ATP8A2: variants seen among roughly 807,000 people sequenced by gnomAD.
ATP8A2 encodes phospholipid-transporting ATPase IB.
In ATP8A2, 100 loss-of-function variants were observed where a neutral mutation model predicts 165.6. The observed-to-expected ratio is 0.60, with a 90% confidence interval of 0.51 to 0.71. The LOEUF (loss-of-function observed/expected upper bound fraction) is 0.71. Among genes scored for constraint, ATP8A2 ranks in the 30% least tolerant of loss-of-function variants. ATP8A2 has a pLI of 0.00. For missense variants in ATP8A2, 1,227 were observed against 1,479.5 expected, an observed-to-expected ratio of 0.83 and a Z score of 2.80; for synonymous variants, 543 against 548.8, an observed-to-expected ratio of 0.99 and a Z score of 0.15.
intron 24 of ATP8A2, among the ~76,000 whole-genome samples, chr13:25,606,385 G>C (rs937393070): frequency 1.3e-5 from 2 of 152,178 alleles, no homozygotes; most frequent in Non-Finnish European, 2.9e-5. Flanking sequence ...ACATGTTGAA[G>C]AAGAATGATT....
At chr13:25,465,713 TTCTTTCTTTCTTTC>T (rs1566153306) in intron 1 of ATP8A2, among the ~76,000 whole-genome samples, 9 of 45,424 alleles carry the variant, frequency 2.0e-4, no homozygotes, top group African/African-American at 8.9e-4. Context: ...CTTTCTTTCT[TTCTTTCTTTCTTTC>T]TTTCTTTCTT....
intron 25 of ATP8A2, among the ~76,000 whole-genome samples, chr13:25,756,992 G>T (rs933961889): frequency 6.6e-6 from 1 of 152,144 alleles, no homozygotes; most frequent in African/African-American, 2.4e-5. Flanking sequence ...CTCGCTCAGC[G>T]CATTCGTTCC....
intron 2 of ATP8A2, among the ~76,000 whole-genome samples, chr13:25,528,857 C>A: frequency 7.0e-6 from 1 of 143,542 alleles, no homozygotes. Flanking sequence ...ACATATGCAA[C>A]ATGTGTATGC....
At chr13:25,671,193 C>T (rs1037068716) in intron 24 of ATP8A2, among the ~76,000 whole-genome samples, 22 of 152,192 alleles carry the variant, frequency 1.4e-4, no homozygotes, top group African/African-American at 4.8e-4. Context: ...TATCACTTCC[C>T]TAGTCAATAC....
At chr13:25,506,512 G>C (rs1405176105) in intron 2 of ATP8A2, among the ~76,000 whole-genome samples, 1 of 152,156 alleles carries the variant, frequency 6.6e-6, no homozygotes, top group Non-Finnish European at 1.5e-5. Flanking sequence ...CACCAGTTTT[G>C]TTCCAGATGT....
At chr13:25,480,493 A>G (rs1394548059) in intron 2 of ATP8A2, among the ~76,000 whole-genome samples, 2 of 149,596 alleles carry the variant, frequency 1.3e-5, no homozygotes, top group East Asian at 4.0e-4. Flanking sequence ...GCGGCCGGGC[A>G]GAGGCGCTCC....
At chr13:25,806,591 A>G (rs182930479) in intron 27 of ATP8A2, among the ~76,000 whole-genome samples, 1 of 152,244 alleles carries the variant, frequency 6.6e-6, no homozygotes, top group East Asian at 1.9e-4. Flanking sequence ...AAGCAAGCAG[A>G]GCAGGCAGTT....
chr13:25,586,459 C>A (rs975248863), intron 23 of ATP8A2, among the ~76,000 whole-genome samples: 1 of 152,170 alleles, frequency 6.6e-6, no homozygotes, highest in Admixed American at 6.5e-5. Flanking sequence ...GGTGCCCAGG[C>A]GTGTGCTCCA....
chr13:25,661,497 T>C (rs1197217428), intron 24 of ATP8A2, among the ~76,000 whole-genome samples: 3 of 152,234 alleles, frequency 2.0e-5, no homozygotes, highest in Non-Finnish European at 4.4e-5. Context: ...AGATTGTTTT[T>C]TTCTTTCTTG....
chr13:25,483,449 G>A (rs2036264357), intron 2 of ATP8A2, among the ~76,000 whole-genome samples: 1 of 152,176 alleles, frequency 6.6e-6, no homozygotes, highest in Admixed American at 6.5e-5. Context: ...TCATGAAGGA[G>A]CTCCTTCCTC....
intron 24 of ATP8A2, among the ~76,000 whole-genome samples, chr13:25,652,242 G>A (rs887164708): frequency 4.6e-5 from 7 of 152,150 alleles, no homozygotes; most frequent in Non-Finnish European, 1.5e-5. Flanking sequence ...GGAAACCACT[G>A]ATTTAAATAT....
intron 1 of ATP8A2, among the ~76,000 whole-genome samples, chr13:25,382,306 T>G (rs1417268533): frequency 6.6e-6 from 1 of 152,240 alleles, no homozygotes; most frequent in East Asian, 1.9e-4. Context: ...CCATTGCCTA[T>G]CTGTACCACA....
At chr13:25,902,570 T>A (rs1261160137) in intron 33 of ATP8A2, among the ~76,000 whole-genome samples, 10 of 143,452 alleles carry the variant, frequency 7.0e-5, no homozygotes, top group East Asian at 2.0e-4. Context: ...AACATCAATT[T>A]AAAAAAAAAA....
intron 1 of ATP8A2, among the ~76,000 whole-genome samples, chr13:25,375,696 C>T (rs1239255798): frequency 6.6e-6 from 1 of 152,048 alleles, no homozygotes; most frequent in Non-Finnish European, 1.5e-5. Context: ...CCTCAGCCTC[C>T]CAAGTAGCTG....
intron 24 of ATP8A2, among the ~76,000 whole-genome samples, chr13:25,608,178 G>C (rs2040567200): frequency 6.6e-6 from 1 of 152,194 alleles, no homozygotes; most frequent in South Asian, 2.1e-4. Context: ...TTTTGGTGAA[G>C]GCTTTTGTGC....
At chr13:25,466,594 C>T (rs1035672698) in intron 1 of ATP8A2, among the ~76,000 whole-genome samples, 12 of 152,158 alleles carry the variant, frequency 7.9e-5, no homozygotes, top group African/African-American at 2.7e-4. Flanking sequence ...GTGTTCTCAG[C>T]GGCATCTAAC....
intron 33 of ATP8A2, among the ~76,000 whole-genome samples, chr13:25,875,259 A>T (rs1952794229): frequency 6.7e-6 from 1 of 149,456 alleles, no homozygotes; most frequent in Non-Finnish European, 1.5e-5. Context: ...TCACAATTTT[A>T]AAAATGTACG....
At chr13:25,882,722 G>T (rs547590692) in intron 33 of ATP8A2, among the ~76,000 whole-genome samples, 12 of 152,240 alleles carry the variant, frequency 7.9e-5, no homozygotes, top group African/African-American at 2.4e-4. Context: ...TGTTTGTACT[G>T]TCATTTTTAG....
intron 25 of ATP8A2, among the ~76,000 whole-genome samples, chr13:25,719,499 T>C (rs2043327788): frequency 6.6e-6 from 1 of 151,492 alleles, no homozygotes; most frequent in South Asian, 2.1e-4. Context: ...GGATGGATGA[T>C]GGAGATAGAT....
Sources: allele counts gnomAD v4.1 joint callset (sites outside exome capture counted in the v4.1 genomes callset), GRCh38; gene constraint gnomAD v4.1.1; transcripts MANE v1.5; gene names NCBI Gene and HGNC (gene_info 2026-07-23, HGNC 2026-07-21).